Variants in CCSER1 observed in about 807,000 individuals in gnomAD.
CCSER1 encodes the protein coiled-coil serine rich protein 1.
Under a neutral mutation model 82.0 loss-of-function variants are expected in CCSER1, and 41 were observed. The observed-to-expected ratio is 0.50, with a 90% CI of 0.39 to 0.65. The LOEUF (loss-of-function observed/expected upper bound fraction) is 0.65. CCSER1 is among the 30% of genes least tolerant of loss of function. The probability of loss-of-function intolerance (pLI) is 0.00; values close to 1 mark genes in which losing one functional copy is unlikely to be tolerated. For synonymous variants in CCSER1, 414 were observed against 383.9 expected (o/e 1.08, Z -0.92); for missense variants, 1,119 against 1,064.2 (o/e 1.05, Z -0.72).
chr4:91,216,874 A>G (rs1019681578), intron 10 of CCSER1, among the ~76,000 whole-genome samples: 1 of 152,194 alleles, frequency 6.6e-6, no homozygotes, highest in African/African-American at 2.4e-5. Flanking sequence ...ATTGTTTGGA[A>G]CACAAACAAT....
At chr4:91,030,348 T>G (rs1740867336) in intron 9 of CCSER1, among the ~76,000 whole-genome samples, 1 of 152,128 alleles carries the variant, frequency 6.6e-6, no homozygotes, top group Admixed American at 6.6e-5. Context: ...ATATAAAAAC[T>G]ACAAGCACAC....
intron 10 of CCSER1, among the ~76,000 whole-genome samples, chr4:91,284,351 G>GT (rs749572146): frequency 7.9e-5 from 12 of 151,596 alleles, no homozygotes; most frequent in South Asian, 4.2e-4. Flanking sequence ...AACAATGTTG[G>GT]TTTTTTTTCC....
rs1053421634 is a variant in CCSER1 at position 90,928,951 on chromosome 4, C to T, written c.2172+5504C>T. Among the ~76,000 whole-genome samples the T allele has an allele frequency of 2.6e-5, 4 of 152,206 alleles. No individual in the cohort carries two copies. The South Asian group carries it at 8.3e-4, about 32-fold the overall frequency. The stretch of plus-strand genomic sequence containing the variant: ...GGTCTACCTGAGGGAACAGCCGACG[C>T]AACTTCTATATCATATTCATCTAGC... On this transcript the variant is annotated intron_variant, in intron 9 of 10. Coordinates refer to ENST00000509176, the MANE Select transcript of CCSER1 (RefSeq NM_001145065.2).
chr4:90,666,659 A>C (rs1189144459), intron 6 of CCSER1, among the ~76,000 whole-genome samples: 1 of 152,176 alleles, frequency 6.6e-6, no homozygotes, highest in Non-Finnish European at 1.5e-5. Context: ...GCTGAAGAAA[A>C]AGCTATCTTC....
intron 1 of CCSER1, among the ~76,000 whole-genome samples, chr4:90,273,501 A>G (rs1560923873): frequency 2.6e-5 from 4 of 152,160 alleles, no homozygotes. Flanking sequence ...ACCCACAAAA[A>G]TAATTTTAAA....
intron 6 of CCSER1, among the ~76,000 whole-genome samples, chr4:90,669,595 G>T (rs1296017335): frequency 6.6e-6 from 1 of 152,038 alleles, no homozygotes; most frequent in Non-Finnish European, 1.5e-5. Flanking sequence ...GTAGAGGAAG[G>T]TATCGTTTAG....
intron 1 of CCSER1, among the ~76,000 whole-genome samples, chr4:90,263,140 C>T (rs965450868): frequency 8.5e-5 from 13 of 152,190 alleles, no homozygotes; most frequent in South Asian, 2.1e-4. Context: ...TTCCCACCAG[C>T]GGAAAGATCT....
chr4:91,594,501 GATCT>G (rs1403766050), intron 10 of CCSER1, among the ~76,000 whole-genome samples: 5 of 147,928 alleles, frequency 3.4e-5, no homozygotes. Context: ...ACCCAAATCA[GATCT>G]ATCTATATCT....
chr4:90,219,314 A>G (rs1194036513), intron 1 of CCSER1, among the ~76,000 whole-genome samples: 4 of 152,196 alleles, frequency 2.6e-5, no homozygotes, highest in Admixed American at 1.3e-4. Context: ...GATAGGAAAT[A>G]TAGGAGGAGA....
At chr4:90,814,455 TC>T (rs1758743398) in intron 7 of CCSER1, among the ~76,000 whole-genome samples, 1 of 152,236 alleles carries the variant, frequency 6.6e-6, no homozygotes, top group Admixed American at 6.5e-5. Flanking sequence ...CTTGAATTTT[TC>T]CCCAGAAAAT....
At chr4:91,090,320 C>A (rs1412660021) in intron 10 of CCSER1, among the ~76,000 whole-genome samples, 1 of 152,144 alleles carries the variant, frequency 6.6e-6, no homozygotes, top group Non-Finnish European at 1.5e-5. Flanking sequence ...TCTATGTCCA[C>A]ATATCCAGTA....
intron 10 of CCSER1, among the ~76,000 whole-genome samples, chr4:91,320,816 ATTTTTAT>A (rs1746145150): frequency 6.6e-6 from 1 of 151,964 alleles, no homozygotes; most frequent in Non-Finnish European, 1.5e-5. Context: ...GCCGCAATTG[ATTTTTAT>A]TGCTTAGTAA....
intron 4 of CCSER1, among the ~76,000 whole-genome samples, chr4:90,425,180 C>A (rs1050359887): frequency 3.9e-5 from 6 of 152,078 alleles, no homozygotes; most frequent in African/African-American, 1.4e-4. Flanking sequence ...ATCTTTTAAC[C>A]CACTCTATAA....
chr4:90,911,205 T>A (rs1726289634), intron 8 of CCSER1: 1 of 432,120 alleles, frequency 2.3e-6, no homozygotes, highest in Non-Finnish European at 4.5e-6. Context: ...AGTTAGCAAT[T>A]TTCTACAACA....
intron 1 of CCSER1, among the ~76,000 whole-genome samples, 167 bp downstream of exon 1, chr4:90,127,998 G>A (rs1216946248): frequency 6.6e-6 from 1 of 151,844 alleles, no homozygotes; most frequent in Non-Finnish European, 1.5e-5. Flanking sequence ...TCGGCGCAGA[G>A]ACCTGGCCTT....
At chr4:90,269,845 C>T (rs1333121432) in intron 1 of CCSER1, among the ~76,000 whole-genome samples, 5 of 151,826 alleles carry the variant, frequency 3.3e-5, no homozygotes, top group African/African-American at 1.2e-4. Context: ...GGGGACATTA[C>T]AATTGATACC....
intron 10 of CCSER1, among the ~76,000 whole-genome samples, chr4:91,449,921 G>A (rs1755779226): frequency 6.6e-6 from 1 of 152,066 alleles, no homozygotes; most frequent in African/African-American, 2.4e-5. Flanking sequence ...ATTGAAAGTA[G>A]TTTCAATATG....
intron 1 of CCSER1, among the ~76,000 whole-genome samples, chr4:90,262,477 C>A (rs1219933629): frequency 2.0e-5 from 3 of 152,144 alleles, no homozygotes; most frequent in African/African-American, 7.2e-5. Context: ...AAGCTTATTT[C>A]ATTGCCCCAT....
chr4:90,406,077 G>C (rs1196904499), intron 4 of CCSER1, among the ~76,000 whole-genome samples: 1 of 152,108 alleles, frequency 6.6e-6, no homozygotes, highest in Non-Finnish European at 1.5e-5. Flanking sequence ...GGCAGAATGG[G>C]TAATAATTCA....
Sources: gnomAD v4.1 joint callset for allele counts (sites outside exome capture counted in the v4.1 genomes callset) on GRCh38, gnomAD v4.1.1 for gene constraint, MANE v1.5 for transcripts, NCBI Gene and HGNC (gene_info 2026-07-23, HGNC 2026-07-21) for gene names.